The following D2HGDH variants were observed in gnomAD, a reference collection of about 807,000 sequenced individuals.
The protein encoded by D2HGDH is D-2-hydroxyglutarate dehydrogenase, mitochondrial.
D2HGDH carries 31 observed loss-of-function variants against 46.9 expected under a neutral mutation model. That is an observed-to-expected ratio of 0.66 (90% confidence interval 0.50 to 0.89). D2HGDH has a LOEUF of 0.89. D2HGDH is among the 40% of genes least tolerant of loss of function. The probability of loss-of-function intolerance (pLI) is 0.00; values close to 1 mark genes in which losing one functional copy is unlikely to be tolerated. For synonymous variants in D2HGDH, 364 were observed against 332.6 expected (o/e 1.09, Z -1.03); for missense variants, 698 against 720.8 (o/e 0.97, Z 0.36).
At chr2:241,752,531 C>A (rs1034202858) in intron 8 of D2HGDH, among the ~76,000 whole-genome samples, 1 of 152,118 alleles carries the variant, frequency 6.6e-6, no homozygotes, top group Non-Finnish European at 1.5e-5. Flanking sequence ...TGTGGGTGAT[C>A]GCTGTGGCTG....
chr2:241,768,153 A>G lies in D2HGDH; in HGVS notation c.*184A>G. ...GCCCTCGGGCAGGAGCATCTGGCAG[A>G]GTGGGGGGCGTGGCAGGCACCCTCC... is the stretch of plus-strand genomic sequence containing the variant. On this transcript the variant is annotated 3_prime_UTR_variant, in exon 10 of 10. Transcript: ENST00000321264. The G allele has an allele frequency of 1.1e-6, 1 of 942,780 alleles. No homozygotes were observed. Among genetic ancestry groups the G allele is most frequent in the Non-Finnish European group, 1.5e-6 (1 of 653,138 alleles). 58.4% of individuals were successfully genotyped at this position (942,780 alleles called of 1,614,324 possible).
rs139653695 is a variant in D2HGDH, at chr2:241,735,491, C to T, written c.267C>T (p.Asn89=). ...VTDPEALQAP[N]VDWLRTLRGC... is the part of the protein sequence containing the mutation. ...ACCCGGAAGCGCTGCAGGCTCCCAA[C>T]GTGGACTGGTTGCGGACGCTGCGAG... The change falls in exon 2 of 10, where the codon AAC becomes AAT. Residue 89 remains asparagine (N), a synonymous_variant. Transcript: ENST00000321264. The T allele has an allele frequency of 2.5e-6, 4 of 1,608,182 alleles. No individual in the cohort carries two copies. The highest frequency in any genetic ancestry group is 3.3e-4 in the Middle Eastern group (2 of 6,044).
Position 241,763,487 on chromosome 2 carries a change from G to T in D2HGDH, c.1307-4223G>T, listed in dbSNP as rs144868292. On this transcript the variant is annotated intron_variant, in intron 9 of 9. Transcript: ENST00000321264. ...GTCTCGCGGGACTGGAGGTTGCTCTGGCGAGGCAGTGGGTGAGCGTGAGGG... is the reference window on the plus strand; with the variant it reads ...GTCTCGCGGGACTGGAGGTTGCTCTTGCGAGGCAGTGGGTGAGCGTGAGGG... 7.5e-3 allele frequency among the ~76,000 whole-genome samples: 1,140 copies of T among 152,254 alleles called. 13 individuals are homozygous for T. Among genetic ancestry groups the T allele is most frequent in the African/African-American group, 0.026 (1,073 of 41,532 alleles).
At chr2:241,751,040 G>C (rs1249181379) in intron 7 of D2HGDH, among the ~76,000 whole-genome samples, 1 of 152,206 alleles carries the variant, frequency 6.6e-6, no homozygotes, top group Non-Finnish European at 1.5e-5. Context: ...TTACAGGTGT[G>C]AGCCACTGTG....
intron 6 of D2HGDH, chr2:241,749,352 T>G (rs1486328933): frequency 7.8e-7 from 1 of 1,287,854 alleles, no homozygotes; most frequent in East Asian, 5.6e-5. Flanking sequence ...AAAATTCTTC[T>G]CTGATATCCA....
Position 241,743,643 on chromosome 2 carries a change from G to A in D2HGDH, c.512G>A (p.Gly171Asp). 6.2e-7 allele frequency: 1 copy of A among 1,613,758 alleles called. No individual in the cohort carries two copies. Among genetic ancestry groups the A allele is most frequent in the Non-Finnish European group, 8.5e-7 (1 of 1,179,966 alleles). Residue 171 changes from glycine (G) to aspartate (D), a missense_variant, in exon 5 of 10, where the codon GGC (glycine) becomes GAC (aspartate). By Grantham distance (94) the Gly-to-Asp change is moderately conservative (BLOSUM62 -1). Transcript: ENST00000321264. This position sits in a 1 kb window ranked among gnomAD's most constrained non-coding sequence, Gnocchi z 4.8. ...GCAGGAATTCTGGTTTGCCAGGCGG[G>A]CTGCGTCCTGGAGGAGCTGAGCCGG... ...SVSGILVCQA[G>D]CVLEELSRYV...
chr2:241,744,597 A>G, intron 5 of D2HGDH, 112 bp from the exon 6 acceptor site: 1 of 1,310,348 alleles, frequency 7.6e-7, no homozygotes, highest in Middle Eastern at 2.5e-4. Context: ...TCCATCCTTC[A>G]GCCTCTTGGC....
intron 6 of D2HGDH, among the ~76,000 whole-genome samples, chr2:241,745,098 T>C (rs1308501957): frequency 6.6e-6 from 1 of 151,732 alleles, no homozygotes; most frequent in Non-Finnish European, 1.5e-5. Context: ...TCTCTCTGTC[T>C]CTGGTCAGAG....
chr2:241,739,481 GAC>G (rs1693846356), intron 2 of D2HGDH, among the ~76,000 whole-genome samples: 1 of 152,254 alleles, frequency 6.6e-6, no homozygotes, highest in African/African-American at 2.4e-5. Flanking sequence ...TGATGAAAGA[GAC>G]ATAAGTGGCT....
At chr2:241,734,854 A>C (rs1692289839) in intron 1 of D2HGDH, 159 bp downstream of exon 1, 4 of 111,046 alleles carry the variant, frequency 3.6e-5, no homozygotes, top group Non-Finnish European at 7.9e-5. Context: ...ACCGCGTGGA[A>C]CACGCGCGCG....
intron 9 of D2HGDH, among the ~76,000 whole-genome samples, chr2:241,762,641 T>C (rs959709066): frequency 6.6e-6 from 1 of 152,190 alleles, no homozygotes; most frequent in Non-Finnish European, 1.5e-5. Context: ...TATCGGCTGC[T>C]GCCAGGGTCC....
At chr2:241,749,387 C>G in intron 6 of D2HGDH, 1 of 1,271,260 alleles carries the variant, frequency 7.9e-7, no homozygotes, top group Non-Finnish European at 1.0e-6. Context: ...GCCTCCCTGT[C>G]TCGCCCTGAA....
At chr2:241,764,206 C>T (rs1037104142) in intron 9 of D2HGDH, among the ~76,000 whole-genome samples, 18 of 148,926 alleles carry the variant, frequency 1.2e-4, no homozygotes, top group Admixed American at 1.3e-4. Context: ...TGGGGGGCGA[C>T]GGGGACTGTG....
chr2:241,749,386 T>A (rs760662761), intron 6 of D2HGDH: 4 of 1,271,572 alleles, frequency 3.1e-6, no homozygotes, highest in African/African-American at 1.5e-5. Flanking sequence ...TGCCTCCCTG[T>A]CTCGCCCTGA....
Position 241,742,522 on chromosome 2 carries a change from C to G in D2HGDH, c.438C>G (p.Ile146Met). ...VGGSVPVFDE[I>M]ILSTARMNRV... ...GCAGCGTCCCCGTCTTTGACGAGAT[C>G]ATCCTCTCCACTGCCCGCATGAACC... is the stretch of plus-strand genomic sequence containing the variant. The change falls in exon 4 of 10, where the codon ATC becomes ATG. Residue 146 changes from isoleucine to methionine, a missense_variant. Transcript: ENST00000321264. The surrounding 1 kb of genome is among the most constrained non-coding windows in gnomAD (Gnocchi z 4.8). 6.2e-7 allele frequency: 1 copy of G among 1,614,088 alleles called. No homozygotes were observed. The highest frequency in any genetic ancestry group is 8.5e-7 in the Non-Finnish European group (1 of 1,179,976).
chr2:241,755,054 A>G lies in D2HGDH; in HGVS notation c.1141-795A>G, dbSNP rs935964872. The G allele has an allele frequency of 8.8e-5, 115 of 1,301,292 alleles. 2 individuals are homozygous for G. The East Asian group carries it at 6.0e-3, about 68-fold the overall frequency. The allele number at this position is 1,301,292 out of a possible 1,614,324, so 80.6% of individuals were successfully genotyped here. On this transcript the variant is annotated intron_variant, in intron 8 of 9. Transcript: ENST00000321264. ...GTTCCTCATGGTGCAGATCTCCACA[A>G]TGGAAGTTCGAAGCAAGCAAAAGCC...
At chr2:241,748,921 C>T (rs1275429701) in intron 6 of D2HGDH, 2 of 1,296,546 alleles carry the variant, frequency 1.5e-6, no homozygotes, top group South Asian at 2.5e-5. Flanking sequence ...CCGGCTGCCG[C>T]ATCCTGCTCT....
intron 6 of D2HGDH, chr2:241,749,038 C>T (rs1021242714): frequency 1.7e-5 from 17 of 1,002,232 alleles, no homozygotes; most frequent in East Asian, 1.1e-4. Flanking sequence ...CCCTCGTGCT[C>T]GTGGGCTCGG....
chr2:241,750,598 T>C (rs1482815852), intron 7 of D2HGDH, among the ~76,000 whole-genome samples: 1 of 152,264 alleles, frequency 6.6e-6, no homozygotes, highest in Non-Finnish European at 1.5e-5. Flanking sequence ...GGAGACTTTC[T>C]TTCCATTTCT....
Sources: gnomAD v4.1 joint callset for allele counts (sites outside exome capture counted in the v4.1 genomes callset) on GRCh38, gnomAD v4.1.1 for gene constraint, Gnocchi (gnomAD v3.1) non-coding constraint, MANE v1.5 for transcripts, NCBI Gene and HGNC (gene_info 2026-07-23, HGNC 2026-07-21) for gene names.